The following EBF4 variants were observed in gnomAD, a reference collection of about 807,000 sequenced individuals.
EBF4 encodes EBF transcription factor 4.
A neutral mutation model predicts 67.1 loss-of-function variants in EBF4; 34 were observed. The ratio of observed to expected loss-of-function variants is 0.51; its 90% confidence interval spans 0.39 to 0.67. The LOEUF is 0.67. Among genes scored for constraint, EBF4 ranks in the 30% least tolerant of loss-of-function variants. EBF4 has a pLI of 0.00. For synonymous variants in EBF4, 387 were observed against 377.7 expected, an observed-to-expected ratio of 1.02 and a Z score of -0.29; for missense variants, 837 against 873.3, an observed-to-expected ratio of 0.96 and a Z score of 0.52.
chr20:2,693,535 G>C (rs1382223167), upstream of EBF4: 16 of 1,250,268 alleles, frequency 1.3e-5, no homozygotes, highest in Non-Finnish European at 1.6e-5. This position sits in a 1 kb window ranked among gnomAD's most constrained non-coding sequence, Gnocchi z 4.6. Context: ...CGGACTCGGC[G>C]CTGCGCTGCT....
chr20:2,749,801 C>G, intron 9 of EBF4, 46 bp from the exon 10 acceptor site: 1 of 1,541,426 alleles, frequency 6.5e-7, no homozygotes, highest in Non-Finnish European at 8.8e-7. Context: ...GCTGGGCCCT[C>G]CCCTCGCCGG....
chr20:2,714,169 G>A (rs1017697730), intron 6 of EBF4, among the ~76,000 whole-genome samples: 11 of 152,194 alleles, frequency 7.2e-5, no homozygotes, highest in African/African-American at 2.2e-4. Context: ...AGTGATTTCC[G>A]TTTCTCTTAC....
chr20:2,740,100 G>A (rs1031630852), intron 6 of EBF4, among the ~76,000 whole-genome samples: 12 of 152,212 alleles, frequency 7.9e-5, no homozygotes, highest in Non-Finnish European at 1.6e-4. Flanking sequence ...ATCACCAGAG[G>A]TCAGGAGTTC....
In EBF4 at chr20:2,751,386, CAT is replaced by C. The variant is rs1312670996; in HGVS notation, c.1019-311_1019-310del. Among the ~76,000 whole-genome samples, 1 of 152,242 alleles carries C rather than the reference CAT, an allele frequency of 6.6e-6. No homozygotes were observed. Among genetic ancestry groups the C allele is most frequent in the African/African-American group, 2.4e-5 (1 of 41,464 alleles). On this transcript the variant is annotated intron_variant, in intron 10 of 16. Coordinates refer to ENST00000609451, the Ensembl canonical transcript of EBF4. The surrounding 1 kb of genome is among the most constrained non-coding windows in gnomAD (Gnocchi z 5.2). ...GAGTCCTGCCCTTAGGACTATAACTCATATGTGTATACGGTTTCCCTTTTTTC... is the reference window on the plus strand; with the variant it reads ...GAGTCCTGCCCTTAGGACTATAACTCATGTGTATACGGTTTCCCTTTTTTC...
intron 16 of EBF4, 57 bp from the exon 17 acceptor site, chr20:2,759,211 C>A (rs952840413): frequency 8.3e-5 from 47 of 564,386 alleles, no homozygotes; most frequent in Non-Finnish European, 1.3e-4. Flanking sequence ...GGCTTCCTGT[C>A]CCCTGGCAGC....
chr20:2,696,455 G>A lies in EBF4; in HGVS notation c.137+2673G>A, dbSNP rs930850623. Among the ~76,000 whole-genome samples the A allele has an allele frequency of 1.3e-5, 2 of 152,130 alleles. No individual in the cohort carries two copies. The highest frequency in any genetic ancestry group is 1.3e-4 in the Admixed American group (2 of 15,270). ...CCACTGTACTCCAGCCTGGGCGGCA[G>A]AGTGAAACTGTGCCTCAAAAATAAA... is the stretch of plus-strand genomic sequence containing the variant. On this transcript the variant is annotated intron_variant, in intron 1 of 16. Coordinates refer to ENST00000609451, the Ensembl canonical transcript of EBF4. This position sits in a 1 kb window ranked among gnomAD's most constrained non-coding sequence, Gnocchi z 4.7.
At chr20:2,701,451 G>A (rs777536306) in intron 1 of EBF4, among the ~76,000 whole-genome samples, 115 of 152,330 alleles carry the variant, frequency 7.5e-4, no homozygotes, top group Non-Finnish European at 1.3e-3. Context: ...GCTTGGCTTG[G>A]GGCTTATGCC....
chr20:2,730,756 A>G (rs1423581172), intron 6 of EBF4, among the ~76,000 whole-genome samples: 1 of 152,232 alleles, frequency 6.6e-6, no homozygotes, highest in Non-Finnish European at 1.5e-5. Flanking sequence ...CAGGACGCGC[A>G]GGGCCCTGTC....
rs114909752 is a variant in EBF4, at chr20:2,747,809, T to C, written c.558-740T>C. On this transcript the variant is annotated intron_variant, in intron 6 of 16. Transcript: ENST00000609451. The surrounding 1 kb of genome is among the most constrained non-coding windows in gnomAD (Gnocchi z 4.6). ...TTCTCTGTGCATATACTGTGTAGGG[T>C]GGGCATACACCGTGCATGATGGGTA... Among the ~76,000 whole-genome samples, 947 of 152,280 alleles carry C rather than the reference T, an allele frequency of 6.2e-3. 21 individuals carry two copies. Among genetic ancestry groups the C allele is most frequent in the African/African-American group, 0.022 (903 of 41,558 alleles).
At position 2,756,936 on chromosome 20, in the gene EBF4, T is replaced by A. The variant is rs527397333; in HGVS notation, c.1738+1112T>A. ...AATTTATTTGAGCACAAAAATGTATTTTTCTAACAGCATCTTGAGATTAGT... is the reference window on the plus strand; with the variant it reads ...AATTTATTTGAGCACAAAAATGTATATTTCTAACAGCATCTTGAGATTAGT... On this transcript the variant is annotated intron_variant, in intron 15 of 16. Coordinates refer to ENST00000609451, the Ensembl canonical transcript of EBF4. The surrounding 1 kb of genome is among the most constrained non-coding windows in gnomAD (Gnocchi z 4.5). 6.6e-6 allele frequency among the ~76,000 whole-genome samples: 1 copy of A among 152,338 alleles called. No individual in the cohort carries two copies. Among genetic ancestry groups the A allele is most frequent in the East Asian group, 1.9e-4 (1 of 5,180 alleles).
chr20:2,702,754 C>T (rs1161828440), intron 1 of EBF4, among the ~76,000 whole-genome samples: 2 of 152,200 alleles, frequency 1.3e-5, no homozygotes, highest in East Asian at 1.9e-4. Flanking sequence ...GGAGCATGCT[C>T]ATGATGGGCA....
chr20:2,755,602 T>A lies in EBF4; in HGVS notation c.1541-25T>A. On this transcript the variant is annotated intron_variant, in intron 14 of 16. Transcript: ENST00000609451. This position sits in a 1 kb window ranked among gnomAD's most constrained non-coding sequence, Gnocchi z 4.7. ...CTCCCACCACCTTCCCTGCTGCGCC[T>A]GCCCCTCCCCGCCCCGCCCCGGAGT... The A allele has an allele frequency of 8.9e-7, 1 of 1,117,792 alleles. No individual in the cohort carries two copies. Among genetic ancestry groups the A allele is most frequent in the Non-Finnish European group, 1.3e-6 (1 of 756,316 alleles). 69.2% of individuals were successfully genotyped at this position (1,117,792 alleles called of 1,614,324 possible). A position where few individuals can be genotyped will look rare whatever the true frequency, so the allele number is the denominator to read the frequency against.
At position 2,745,050 on chromosome 20, in the gene EBF4, G is replaced by T. The variant is rs894711139; in HGVS notation, c.558-3499G>T. Among the ~76,000 whole-genome samples the T allele has an allele frequency of 2.0e-5, 3 of 152,198 alleles. No individual in the cohort carries two copies. Among genetic ancestry groups the T allele is most frequent in the Non-Finnish European group, 2.9e-5 (2 of 68,040 alleles). ...GGGTTCATGCCGCGTGGGGCTGGTGGCTATAGTAATGGGTAGCGCAGCTCC... is the reference window on the plus strand; with the variant it reads ...GGGTTCATGCCGCGTGGGGCTGGTGTCTATAGTAATGGGTAGCGCAGCTCC... On this transcript the variant is annotated intron_variant, in intron 6 of 16. Transcript: ENST00000609451. This position sits in a 1 kb window ranked among gnomAD's most constrained non-coding sequence, Gnocchi z 5.2.
At chr20:2,694,182 T>C (rs1036818245) in intron 1 of EBF4, among the ~76,000 whole-genome samples, 3 of 152,210 alleles carry the variant, frequency 2.0e-5, no homozygotes, top group Non-Finnish European at 2.9e-5. Flanking sequence ...TCCGCAGCTC[T>C]CTGTCAGGAA....
At chr20:2,712,901 C>A (rs73892652) in intron 6 of EBF4, among the ~76,000 whole-genome samples, 6,886 of 152,230 alleles carry the variant, frequency 0.045, 502 homozygotes, top group African/African-American at 0.15. Context: ...AGACTAGGGA[C>A]TGACCATTAG....
chr20:2,705,723 A>G, exon 2 of EBF4: 1 of 1,550,166 alleles, frequency 6.5e-7, no homozygotes, highest in Non-Finnish European at 8.7e-7. Context: ...GACTTCGTGG[A>G]AAAGGACCGA....
intron 6 of EBF4, among the ~76,000 whole-genome samples, chr20:2,714,328 TTCTC>T (rs763865795): frequency 1.3e-5 from 2 of 151,790 alleles, no homozygotes; most frequent in African/African-American, 2.4e-5. Context: ...CCTTCTCTCT[TTCTC>T]TCTCTCTTTC....
intron 6 of EBF4, among the ~76,000 whole-genome samples, chr20:2,725,905 T>G (rs964515750): frequency 3.3e-4 from 50 of 152,344 alleles, no homozygotes; most frequent in African/African-American, 1.1e-3. Flanking sequence ...CTTATTTTTG[T>G]TTTTTAGTAT....
At chr20:2,699,370 A>C (rs1056512241) in intron 1 of EBF4, among the ~76,000 whole-genome samples, 6 of 152,194 alleles carry the variant, frequency 3.9e-5, no homozygotes, top group African/African-American at 1.4e-4. Flanking sequence ...CTCTGACCAA[A>C]ATGCATCTGT....
Sources: allele counts gnomAD v4.1 joint callset (sites outside exome capture counted in the v4.1 genomes callset), GRCh38; gene constraint gnomAD v4.1.1; non-coding constraint Gnocchi (gnomAD v3.1); transcripts MANE v1.5; gene names NCBI Gene and HGNC (gene_info 2026-07-23, HGNC 2026-07-21).